Variants in GREB1L observed in about 807,000 individuals in gnomAD.
GREB1L encodes GREB1 like retinoic acid receptor coactivator, also known as GREB1-like protein.
Under a neutral mutation model 200.8 loss-of-function variants are expected in GREB1L, and 17 were observed. That is an observed-to-expected ratio of 0.08 (90% CI 0.06 to 0.13). The LOEUF (loss-of-function observed/expected upper bound fraction) is 0.13. GREB1L is among the 10% of genes least tolerant of loss of function. The probability of loss-of-function intolerance (pLI) is 1.00; values close to 1 mark genes in which losing one functional copy is unlikely to be tolerated. For missense variants in GREB1L, 1,657 were observed against 2,367.7 expected, an observed-to-expected ratio of 0.70 and a Z score of 6.23; for synonymous variants, 789 against 893.0, an observed-to-expected ratio of 0.88 and a Z score of 2.08.
chr18:21,288,894 C>T (rs190495453), intron 1 of GREB1L, among the ~76,000 whole-genome samples: 167 of 152,138 alleles, frequency 1.1e-3, no homozygotes, highest in African/African-American at 3.3e-3. Context: ...CCCACCACCA[C>T]GCCCAGCTAA....
At chr18:21,278,862 CT>C (rs1305969855) in intron 1 of GREB1L, among the ~76,000 whole-genome samples, 27 of 152,094 alleles carry the variant, frequency 1.8e-4, no homozygotes, top group Admixed American at 1.6e-3. Context: ...AAACTCAAGA[CT>C]TTTGGAAATT....
chr18:21,369,207 G>A (rs182451666), intron 2 of GREB1L, among the ~76,000 whole-genome samples: 20 of 152,170 alleles, frequency 1.3e-4, no homozygotes, highest in South Asian at 2.1e-4. Context: ...GTTTGTTTTC[G>A]GAAACCATAG....
chr18:21,474,497 A>G (rs542153609), intron 16 of GREB1L, among the ~76,000 whole-genome samples: 1 of 152,176 alleles, frequency 6.6e-6, no homozygotes, highest in African/African-American at 2.4e-5. Context: ...ATTTCCATAC[A>G]TCTGAAATCT....
intron 5 of GREB1L, among the ~76,000 whole-genome samples, chr18:21,396,721 G>T (rs964779501): frequency 8.5e-5 from 13 of 152,126 alleles, no homozygotes; most frequent in Non-Finnish European, 1.8e-4. Context: ...AAATGTAAAT[G>T]ACTTTATCTA....
At chr18:21,440,226 G>A (rs1437002467) in intron 8 of GREB1L, 43 bp from the exon 9 acceptor site, 10 of 1,548,332 alleles carry the variant, frequency 6.5e-6, no homozygotes, top group Non-Finnish European at 7.9e-6. Flanking sequence ...ACATGGCTGA[G>A]AACAAGACTA....
At chr18:21,404,428 T>C (rs2029928644) in intron 7 of GREB1L, among the ~76,000 whole-genome samples, 2 of 152,290 alleles carry the variant, frequency 1.3e-5, no homozygotes, top group Non-Finnish European at 1.5e-5. Flanking sequence ...TAAGCTAGGA[T>C]TGTGGATCAC....
chr18:21,453,771 G>A (rs754930181), intron 14 of GREB1L, among the ~76,000 whole-genome samples: 10 of 152,170 alleles, frequency 6.6e-5, no homozygotes, highest in Non-Finnish European at 1.5e-4. Flanking sequence ...TGGCAAAGTG[G>A]AGTCCAGTGG....
At chr18:21,471,332 G>T (rs2084840718) in intron 15 of GREB1L, among the ~76,000 whole-genome samples, 1 of 152,104 alleles carries the variant, frequency 6.6e-6, no homozygotes, top group South Asian at 2.1e-4. Flanking sequence ...ATTTGCAACT[G>T]GTACTACACT....
chr18:21,508,566 C>A lies in GREB1L; in HGVS notation c.4710C>A (p.Pro1570=). The change falls in exon 27 of 33, where the codon CCC becomes CCA. Residue 1570 remains proline (P), a synonymous_variant. Transcript: ENST00000424526. ...YWPNHIMLVL[P]GMFNNAGVGA... ...CCAACCACATCATGCTGGTGCTTCC[C>A]GGCATGTTCAATAATGCAGGCGTGG... 1 of 1,551,720 alleles carries A rather than the reference C, an allele frequency of 6.4e-7. No homozygotes were observed.
chr18:21,368,205 A>G (rs950965473), intron 2 of GREB1L, among the ~76,000 whole-genome samples: 3 of 152,174 alleles, frequency 2.0e-5, no homozygotes, highest in Admixed American at 6.5e-5. Flanking sequence ...CATACACATA[A>G]ATGTAAGGCT....
intron 7 of GREB1L, among the ~76,000 whole-genome samples, chr18:21,421,785 G>C (rs1334480307): frequency 6.6e-6 from 1 of 152,170 alleles, no homozygotes; most frequent in African/African-American, 2.4e-5. Context: ...CAAAAATCAA[G>C]ATTCAAACTC....
intron 15 of GREB1L, chr18:21,455,151 G>A (rs2034699329): frequency 6.5e-6 from 1 of 152,728 alleles, no homozygotes; most frequent in Non-Finnish European, 1.5e-5. Context: ...AATGTTACAA[G>A]TCTGTGGTAA....
At chr18:21,506,401 A>G (rs1377263420) in intron 25 of GREB1L, among the ~76,000 whole-genome samples, 1 of 152,148 alleles carries the variant, frequency 6.6e-6, no homozygotes, top group Admixed American at 6.5e-5. Context: ...TCTCAAAAAA[A>G]AAAAAAGCAC....
intron 15 of GREB1L, among the ~76,000 whole-genome samples, chr18:21,468,257 A>G (rs1287756218): frequency 1.3e-5 from 2 of 152,218 alleles, no homozygotes; most frequent in Non-Finnish European, 2.9e-5. Flanking sequence ...ACTTGAAAAC[A>G]TCATTCCAAG....
In GREB1L at chr18:21,508,208, G is replaced by C; in HGVS notation, c.4459G>C (p.Glu1487Gln). Residue 1487 changes from glutamate (E) to glutamine (Q), a missense_variant, in exon 26 of 33, where the codon GAG (glutamate) becomes CAG (glutamine). By Grantham distance (29) the Glu-to-Gln change is conservative. Around this residue, in one of 9 missense-constraint regions of GREB1L, gnomAD observed 512 missense variants for 668.3 expected, o/e 0.77. Coordinates refer to ENST00000424526, the MANE Select transcript of GREB1L (RefSeq NM_001142966.3). Reference sequence around the variant, plus strand: ...CTATTTCATCATTCCCAAATCCAAAGAGAGTCATTTTGTCTTCAGCAAGCA... The same window carrying C: ...CTATTTCATCATTCCCAAATCCAAACAGAGTCATTTTGTCTTCAGCAAGCA... ...QLYFIIPKSK[E>Q]SHFVFSKQGK... 6.4e-7 allele frequency: 1 copy of C among 1,551,744 alleles called. No homozygotes were observed. Among genetic ancestry groups the C allele is most frequent in the Non-Finnish European group, 8.7e-7 (1 of 1,147,004 alleles).
At chr18:21,476,142 G>A (rs2035692860) in intron 16 of GREB1L, among the ~76,000 whole-genome samples, 1 of 151,936 alleles carries the variant, frequency 6.6e-6, no homozygotes, top group Non-Finnish European at 1.5e-5. Flanking sequence ...ATCATGGTTT[G>A]TCCTCACCAT....
chr18:21,440,238 C>G (rs372287715), intron 8 of GREB1L, 31 bp from the exon 9 acceptor site: 3 of 1,548,710 alleles, frequency 1.9e-6, no homozygotes, highest in East Asian at 2.4e-5. Context: ...ACAAGACTAT[C>G]TCTTTTTTTT....
rs139540579 is a variant in GREB1L at position 21,412,676 on chromosome 18, A to G, written c.832+8682A>G. Reference sequence around the variant, plus strand: ...AGATGGAATGGGAAGAGCACACAGGAGGCTACTGGCTGCTGACAGTATTTT... The same window carrying G: ...AGATGGAATGGGAAGAGCACACAGGGGGCTACTGGCTGCTGACAGTATTTT... On this transcript the variant is annotated intron_variant, in intron 7 of 32. Transcript: ENST00000424526. Among the ~76,000 whole-genome samples, 54 of 152,284 alleles carry G rather than the reference A, an allele frequency of 3.5e-4. No individual in the cohort carries two copies. In the East Asian group the frequency reaches 9.4e-3, roughly 27 times the overall value.
chr18:21,518,334 T>A, intron 31 of GREB1L, 100 bp downstream of exon 31: 1 of 1,113,634 alleles, frequency 9.0e-7, no homozygotes, highest in Non-Finnish European at 1.3e-6. Flanking sequence ...GAAATATCAA[T>A]CAAGATGCCA....
Sources: gnomAD v4.1 joint callset for allele counts (sites outside exome capture counted in the v4.1 genomes callset) on GRCh38, gnomAD v4.1.1 for gene constraint, gnomAD v4.1.1 regional missense constraint, MANE v1.5 for transcripts, NCBI Gene and HGNC (gene_info 2026-07-23, HGNC 2026-07-21) for gene names.